The following CWF19L2 variants were observed in gnomAD, a reference collection of about 807,000 sequenced individuals.
CWF19L2 encodes the protein CWF19 like cell cycle control factor 2.
CWF19L2 carries 98 observed loss-of-function variants against 111.7 expected under a neutral mutation model. That is an observed-to-expected ratio of 0.88 (90% CI 0.75 to 1.04). The LOEUF is 1.04. Among genes scored for constraint, CWF19L2 ranks in the 50% least tolerant of loss-of-function variants. The pLI is 0.00. For missense variants in CWF19L2, 1,101 were observed against 1,051.4 expected (o/e 1.05, Z -0.65); for synonymous variants, 351 against 342.9 (o/e 1.02, Z -0.26).
chr11:107,361,190 G>C (rs1187670790), intron 12 of CWF19L2, among the ~76,000 whole-genome samples: 1 of 152,224 alleles, frequency 6.6e-6, no homozygotes. Flanking sequence ...AATTTTCCCA[G>C]CACCATTTAC....
intron 4 of CWF19L2, 100 bp downstream of exon 4, chr11:107,442,839 A>G: frequency 1.8e-6 from 1 of 570,016 alleles, no homozygotes; most frequent in Non-Finnish European, 3.1e-6. Flanking sequence ...GGAGAGAGGG[A>G]CAGAGAGGGA....
Position 107,375,341 on chromosome 11 carries a change from C to T in CWF19L2, c.1872+14733G>A, listed in dbSNP as rs368549651. 3.8e-3 allele frequency among the ~76,000 whole-genome samples: 488 copies of T among 129,042 alleles called. 6 individuals carry two copies. Among genetic ancestry groups the T allele is most frequent in the African/African-American group, 5.9e-3 (185 of 31,390 alleles). 84.7% of individuals were successfully genotyped at this position (129,042 alleles called of 152,430 possible). ...ACATTTTTTTCAGCACCACACCACACCTATTCCAAAATTGACCACATACTT... is the reference window on the plus strand; with the variant it reads ...ACATTTTTTTCAGCACCACACCACATCTATTCCAAAATTGACCACATACTT... On this transcript the variant is annotated intron_variant, in intron 12 of 17. Transcript: ENST00000282251.
Position 107,326,702 on chromosome 11 carries a change from C to A in CWF19L2, c.*208G>T. ...GCAGATCATCGAATATATGTTTTTA[C>A]TCCATGGTGACTAAAATGAAGTCCA... On this transcript the variant is annotated 3_prime_UTR_variant, in exon 18 of 18. Coordinates refer to ENST00000282251, the MANE Select transcript of CWF19L2 (RefSeq NM_152434.3). The A allele has an allele frequency of 2.4e-6, 1 of 425,522 alleles. No individual in the cohort carries two copies. The highest frequency in any genetic ancestry group is 4.1e-6 in the Non-Finnish European group (1 of 241,364). The allele number at this position is 425,522 out of a possible 1,614,324, so 26.4% of individuals were successfully genotyped here. A position where few individuals can be genotyped will look rare whatever the true frequency, so the allele number is the denominator to read the frequency against.
chr11:107,385,445 G>A (rs979485741), intron 12 of CWF19L2, among the ~76,000 whole-genome samples: 3 of 152,002 alleles, frequency 2.0e-5, no homozygotes, highest in Admixed American at 6.6e-5. Context: ...GACTGAATGT[G>A]TATCAGCTGC....
intron 10 of CWF19L2, among the ~76,000 whole-genome samples, chr11:107,410,785 C>T (rs1373485631): frequency 6.6e-6 from 1 of 152,150 alleles, no homozygotes; most frequent in Non-Finnish European, 1.5e-5. Flanking sequence ...CTGTTCCAAG[C>T]CGCAAACCAG....
intron 14 of CWF19L2, among the ~76,000 whole-genome samples, chr11:107,345,040 C>T (rs1453816045): frequency 1.3e-5 from 2 of 152,116 alleles, no homozygotes; most frequent in African/African-American, 4.8e-5. Flanking sequence ...GGAGGCATGG[C>T]TCGTGCCTCC....
intron 7 of CWF19L2, among the ~76,000 whole-genome samples, chr11:107,432,882 C>A (rs1394187373): frequency 6.6e-6 from 1 of 151,972 alleles, no homozygotes; most frequent in African/African-American, 2.4e-5. Flanking sequence ...ACAGTGCTAT[C>A]TAACAAGGGA....
chr11:107,405,680 G>T (rs1204384540), intron 10 of CWF19L2, among the ~76,000 whole-genome samples: 1 of 152,060 alleles, frequency 6.6e-6, no homozygotes, highest in East Asian at 1.9e-4. Flanking sequence ...GGAAAGAAAT[G>T]AGATGAGCCC....
intron 14 of CWF19L2, 83 bp from the exon 15 acceptor site, chr11:107,336,796 A>G: frequency 1.3e-6 from 1 of 761,310 alleles, no homozygotes. Flanking sequence ...GAAATATGAA[A>G]ACTTTAATAA....
chr11:107,334,990 A>C, intron 15 of CWF19L2, 29 bp from the exon 16 acceptor site: 1 of 1,381,050 alleles, frequency 7.2e-7, no homozygotes, highest in South Asian at 1.2e-5. Context: ...TTAAGTGAAA[A>C]AAGAACATGT....
intron 12 of CWF19L2, among the ~76,000 whole-genome samples, chr11:107,360,390 T>C (rs886911586): frequency 6.6e-6 from 1 of 152,246 alleles, no homozygotes. Context: ...CATCCACTGA[T>C]AGACACAGGT....
intron 12 of CWF19L2, among the ~76,000 whole-genome samples, chr11:107,386,976 C>A (rs185210179): frequency 6.6e-6 from 1 of 151,896 alleles, no homozygotes; most frequent in African/African-American, 2.4e-5. Flanking sequence ...ATCGCTTGAA[C>A]CCAGAAGGCG....
At chr11:107,387,167 C>T (rs1860779783) in intron 12 of CWF19L2, among the ~76,000 whole-genome samples, 1 of 152,120 alleles carries the variant, frequency 6.6e-6, no homozygotes, top group Non-Finnish European at 1.5e-5. Context: ...ATACTTCACA[C>T]ATCCATAACA....
intron 10 of CWF19L2, among the ~76,000 whole-genome samples, chr11:107,396,417 G>T (rs1418312910): frequency 6.6e-6 from 1 of 152,084 alleles, no homozygotes; most frequent in African/African-American, 2.4e-5. Flanking sequence ...ATCCCAAAAT[G>T]CTCTGGGATC....
intron 3 of CWF19L2, among the ~76,000 whole-genome samples, chr11:107,452,236 A>T (rs1861787995): frequency 6.6e-6 from 1 of 152,208 alleles, no homozygotes; most frequent in Non-Finnish European, 1.5e-5. Flanking sequence ...TAACATGGTG[A>T]TAAGAGGCAA....
chr11:107,385,635 C>A lies in CWF19L2; in HGVS notation c.1872+4439G>T, dbSNP rs1244310606. Among the ~76,000 whole-genome samples, 7 of 152,334 alleles carry A rather than the reference C, an allele frequency of 4.6e-5. No individual in the cohort carries two copies. In the East Asian group the frequency reaches 1.3e-3, roughly 29 times the overall value. On this transcript the variant is annotated intron_variant, in intron 12 of 17. Transcript: ENST00000282251. ...CCTGTGGTTTTACTTCCTGTGGCTG[C>A]AGTTACCTGCAGTCAACTGTGGTTT...
At position 107,383,585 on chromosome 11, in the gene CWF19L2, T is replaced by C. The variant is rs139549160; in HGVS notation, c.1872+6489A>G. On this transcript the variant is annotated intron_variant, in intron 12 of 17. Transcript: ENST00000282251. ...AAAAAACCAAGAATCATAATTCCCC[T>C]ATACAAACACAATTAAGTTCATATT... Among the ~76,000 whole-genome samples, 9 of 152,292 alleles carry C rather than the reference T, an allele frequency of 5.9e-5. No individual in the cohort carries two copies. In the East Asian group the frequency reaches 1.7e-3, roughly 29 times the overall value.
intron 10 of CWF19L2, among the ~76,000 whole-genome samples, chr11:107,393,740 G>C (rs1860882296): frequency 1.3e-5 from 2 of 152,156 alleles, no homozygotes; most frequent in Non-Finnish European, 2.9e-5. Context: ...CAGCAGCATG[G>C]ATGGAGCTAG....
intron 14 of CWF19L2, among the ~76,000 whole-genome samples, chr11:107,347,168 T>C (rs1289983008): frequency 1.3e-5 from 2 of 152,224 alleles, no homozygotes; most frequent in African/African-American, 4.8e-5. Flanking sequence ...ATTTGAAATC[T>C]GTGATTACTC....
Sources: gnomAD v4.1 joint callset for allele counts (sites outside exome capture counted in the v4.1 genomes callset) on GRCh38, gnomAD v4.1.1 for gene constraint, MANE v1.5 for transcripts, NCBI Gene and HGNC (gene_info 2026-07-23, HGNC 2026-07-21) for gene names.